Variants in DOP1B observed in about 807,000 individuals in gnomAD.
DOP1B encodes the protein protein DOP1B.
A neutral mutation model predicts 233.5 loss-of-function variants in DOP1B; 174 were observed. The observed-to-expected ratio is 0.75, with a 90% CI of 0.66 to 0.85. The LOEUF (loss-of-function observed/expected upper bound fraction) is 0.85. DOP1B is among the 40% of genes least tolerant of loss of function. The probability of loss-of-function intolerance (pLI) is 0.00; values close to 1 mark genes in which losing one functional copy is unlikely to be tolerated. For synonymous variants in DOP1B, 1,190 were observed against 1,185.6 expected (o/e 1.00, Z -0.08); for missense variants, 2,652 against 2,846.6 (o/e 0.93, Z 1.56).
chr21:36,206,188 C>T (rs2066423542), intron 4 of DOP1B, among the ~76,000 whole-genome samples: 1 of 152,050 alleles, frequency 6.6e-6, no homozygotes, highest in South Asian at 2.1e-4. Context: ...ACTATGATGT[C>T]ATTTAAATTG....
chr21:36,225,586 C>T lies in DOP1B; in HGVS notation c.1392C>T (p.Ser464=), dbSNP rs145667945. The T allele has an allele frequency of 2.4e-4, 390 of 1,614,038 alleles. 1 individual carries two copies. In the African/African-American group the frequency reaches 4.9e-3, roughly 20 times the overall value. The change falls in exon 12 of 37, where the codon AGC becomes AGT. Residue 464 remains serine, a synonymous_variant. Coordinates refer to ENST00000691173, the MANE Select transcript of DOP1B (RefSeq NM_001320714.2). The stretch of plus-strand genomic sequence containing the variant: ...ATAGACCAGTGAAGCAGCGTTACAG[C>T]GTGAGGAACAGCGTCAGCCCTCCCC... ...ECFRPVKQRY[S]VRNSVSPPPT...
chr21:36,179,788 G>A (rs930056621), intron 2 of DOP1B, among the ~76,000 whole-genome samples: 5 of 152,302 alleles, frequency 3.3e-5, no homozygotes, highest in South Asian at 2.1e-4. Context: ...ACAAGATCTC[G>A]AAGCCCCTTA....
intron 1 of DOP1B, among the ~76,000 whole-genome samples, chr21:36,160,027 C>A (rs1015631918): frequency 1.3e-5 from 2 of 152,244 alleles, no homozygotes; most frequent in African/African-American, 4.8e-5. Context: ...ATTTATGTTT[C>A]TTTCCCCCAT....
chr21:36,181,158 A>G (rs1021562651), intron 2 of DOP1B, among the ~76,000 whole-genome samples: 4 of 152,206 alleles, frequency 2.6e-5, no homozygotes, highest in African/African-American at 9.7e-5. Context: ...GAAGTCCAAA[A>G]TCAATGTCCT....
intron 1 of DOP1B, 114 bp from the exon 2 acceptor site, chr21:36,164,594 G>A: frequency 2.7e-6 from 2 of 743,312 alleles, no homozygotes; most frequent in Non-Finnish European, 4.0e-6. Flanking sequence ...GGATTGCCCA[G>A]TGAGTTTGTG....
chr21:36,239,998 TG>T, intron 18 of DOP1B, 43 bp downstream of exon 18: 4 of 1,561,150 alleles, frequency 2.6e-6, no homozygotes, highest in Non-Finnish European at 2.6e-6. Context: ...GAGGAATGGG[TG>T]GGGGGACTGG....
At chr21:36,229,136 A>G (rs1601429220) in intron 13 of DOP1B, among the ~76,000 whole-genome samples, 2 of 152,166 alleles carry the variant, frequency 1.3e-5, no homozygotes, top group African/African-American at 2.4e-5. Flanking sequence ...TGTTTGTGGC[A>G]TGTGATTTTG....
rs370652870 is a variant in DOP1B, at chr21:36,245,453, G to T, written c.3473G>T (p.Arg1158Leu). ...IPMGGRAYPK[R>L]SALLAAFQSE... ...ATGGGGGGCAGGGCGTACCCCAAGCGCTCGGCCCTGCTGGCGGCCTTCCAG... is the reference window on the plus strand; with the variant it reads ...ATGGGGGGCAGGGCGTACCCCAAGCTCTCGGCCCTGCTGGCGGCCTTCCAG... Residue 1158 changes from arginine (R) to leucine (L), a missense_variant, in exon 19 of 37, where the codon CGC becomes CTC. Transcript: ENST00000691173. The surrounding 1 kb of genome is among the most constrained non-coding windows in gnomAD (Gnocchi z 5.5). 2.5e-6 allele frequency: 4 copies of T among 1,613,892 alleles called. No homozygotes were observed. Among genetic ancestry groups the T allele is most frequent in the Non-Finnish European group, 3.4e-6 (4 of 1,180,030 alleles).
chr21:36,249,786 A>T (rs1445943195), intron 21 of DOP1B, among the ~76,000 whole-genome samples: 1 of 152,186 alleles, frequency 6.6e-6, no homozygotes, highest in Non-Finnish European at 1.5e-5. Flanking sequence ...CCCAGGTGCC[A>T]GATGTGGCCG....
intron 18 of DOP1B, among the ~76,000 whole-genome samples, chr21:36,244,807 C>T (rs2066935641): frequency 6.6e-6 from 1 of 152,160 alleles, no homozygotes; most frequent in African/African-American, 2.4e-5. Flanking sequence ...AATTAAAATA[C>T]TTAAGTTTAC....
chr21:36,228,003 C>G, intron 13 of DOP1B, 126 bp downstream of exon 13: 1 of 970,406 alleles, frequency 1.0e-6, no homozygotes, highest in Admixed American at 3.3e-5. Context: ...GGTGATATGT[C>G]AAATATGCTT....
In DOP1B at chr21:36,230,919, C is replaced by G. The variant is rs200778100; in HGVS notation, c.2135C>G (p.Ser712Ter). The change falls in exon 14 of 37, where the codon TCA becomes TGA. Residue 712 changes from serine to a stop codon, truncating the protein, a stop_gained. Coordinates refer to ENST00000691173, the MANE Select transcript of DOP1B (RefSeq NM_001320714.2). LOFTEE classifies it high-confidence loss of function. Reference sequence around the variant, plus strand: ...GGGTCTCCATTCAAGACAAAAAGTTCAGAGTCACCATCGTCTTCGCCCAGC... The same window carrying G: ...GGGTCTCCATTCAAGACAAAAAGTTGAGAGTCACCATCGTCTTCGCCCAGC... ...ARGSPFKTKSSESPSSSPSSP... is the reference protein window; with the variant it reads ...ARGSPFKTKS 1.2e-6 allele frequency: 2 copies of G among 1,614,172 alleles called. No individual in the cohort carries two copies. The highest frequency in any genetic ancestry group is 4.5e-5 in the East Asian group (2 of 44,884).
At chr21:36,280,425 C>T (rs1039249305) in intron 31 of DOP1B, 79 bp downstream of exon 31, 14 of 1,028,854 alleles carry the variant, frequency 1.4e-5, no homozygotes, top group African/African-American at 4.8e-5. Flanking sequence ...CATGTATTTC[C>T]GAACCCTACT....
At position 36,230,936 on chromosome 21, in the gene DOP1B, T is replaced by G. The variant is rs112867880; in HGVS notation, c.2152T>G (p.Ser718Ala). The change falls in exon 14 of 37, where the codon TCG (serine) becomes GCG (alanine). Residue 718 changes from serine (S) to alanine (A), a missense_variant. This residue lies in a region of DOP1B where 2,617 missense variants were observed against 2,794.3 expected (regional missense o/e 0.94). Transcript: ENST00000691173. ...KTKSSESPSS[S>A]PSSPARKNGG... ...AAAAAGTTCAGAGTCACCATCGTCT[T>G]CGCCCAGCAGCCCTGCCAGGAAAAA... 5.0e-6 allele frequency: 8 copies of G among 1,614,136 alleles called. No homozygotes were observed. Among genetic ancestry groups the G allele is most frequent in the African/African-American group, 4.0e-5 (3 of 75,038 alleles).
chr21:36,187,953 C>T (rs916004277), intron 2 of DOP1B, among the ~76,000 whole-genome samples: 10 of 152,034 alleles, frequency 6.6e-5, no homozygotes, highest in Non-Finnish European at 1.5e-4. Context: ...GTGATACACC[C>T]AGCCTTCAGT....
At chr21:36,286,682 CTG>C (rs1195218882) in intron 32 of DOP1B, among the ~76,000 whole-genome samples, 1 of 148,854 alleles carries the variant, frequency 6.7e-6, no homozygotes, top group African/African-American at 2.5e-5. Flanking sequence ...ACAAAACTGA[CTG>C]AGCATGGCAG....
intron 2 of DOP1B, among the ~76,000 whole-genome samples, chr21:36,180,539 A>G (rs2066085469): frequency 6.6e-6 from 1 of 151,636 alleles, no homozygotes; most frequent in Admixed American, 6.6e-5. Flanking sequence ...CCTGGGCAAT[A>G]GACGGCGCTC....
intron 2 of DOP1B, among the ~76,000 whole-genome samples, chr21:36,173,516 G>A (rs1350001024): frequency 6.6e-6 from 1 of 151,640 alleles, no homozygotes; most frequent in Non-Finnish European, 1.5e-5. Context: ...TCGCCTCCTG[G>A]GTTCAAGCAA....
chr21:36,199,829 T>C (rs937487737), intron 3 of DOP1B, among the ~76,000 whole-genome samples: 1 of 152,250 alleles, frequency 6.6e-6, no homozygotes, highest in Admixed American at 6.5e-5. Context: ...CTTAATCCAG[T>C]CTATCATCGA....
Sources: gnomAD v4.1 joint callset for allele counts (sites outside exome capture counted in the v4.1 genomes callset) on GRCh38, gnomAD v4.1.1 for gene constraint, gnomAD v4.1.1 regional missense constraint, Gnocchi (gnomAD v3.1) non-coding constraint, MANE v1.5 for transcripts, NCBI Gene and HGNC (gene_info 2026-07-23, HGNC 2026-07-21) for gene names.